POU6F2: variants seen among roughly 807,000 people sequenced by gnomAD.
The protein encoded by POU6F2 is POU class 6 homeobox 2.
POU6F2 carries 31 observed loss-of-function variants against 71.3 expected under a neutral mutation model. The ratio of observed to expected loss-of-function variants is 0.43; its 90% CI spans 0.33 to 0.59. POU6F2 has a LOEUF of 0.59. POU6F2 is among the 20% of genes least tolerant of loss of function. POU6F2 has a pLI of 0.04. For missense variants in POU6F2, 783 were observed against 856.8 expected (o/e 0.91, Z 1.07); for synonymous variants, 347 against 355.7 (o/e 0.98, Z 0.27).
intron 5 of POU6F2, among the ~76,000 whole-genome samples, chr7:39,354,091 C>T (rs1282355156): frequency 1.3e-5 from 2 of 152,216 alleles, no homozygotes; most frequent in Non-Finnish European, 2.9e-5. Flanking sequence ...GACCTCCCTG[C>T]TGCAACTGGA....
At chr7:38,983,388 CTCCTT>C (rs1788373695) in intron 1 of POU6F2, among the ~76,000 whole-genome samples, 1 of 114,262 alleles carries the variant, frequency 8.8e-6, no homozygotes, top group Non-Finnish European at 1.8e-5. Context: ...TCCTGCCTCC[CTCCTT>C]TCTTTTTTTT....
intron 2 of POU6F2, among the ~76,000 whole-genome samples, chr7:39,182,247 T>C (rs1793448853): frequency 6.6e-6 from 1 of 152,228 alleles, no homozygotes; most frequent in South Asian, 2.1e-4. Context: ...TTCATTCTAT[T>C]ATATATTTTA....
chr7:39,036,200 C>G (rs1186038603), intron 1 of POU6F2, among the ~76,000 whole-genome samples: 1 of 152,070 alleles, frequency 6.6e-6, no homozygotes, highest in South Asian at 2.1e-4. Flanking sequence ...CCATCCTTAT[C>G]CCTGAGTCTT....
chr7:39,083,833 CA>C (rs1220930446), intron 1 of POU6F2: 29 of 152,166 alleles, frequency 1.9e-4, no homozygotes, highest in African/African-American at 7.0e-4. Flanking sequence ...GGGGGGAAAA[CA>C]ATGGAGAAAT....
In POU6F2 at chr7:39,464,822, G is replaced by C. The variant is rs1439221430; in HGVS notation, c.*136G>C. ...GTCGTCATCACCCTTGTAAGTAAAT[G>C]ACTAAGAAAACTACCAAGTGGACAG... On this transcript the variant is annotated 3_prime_UTR_variant, in exon 10 of 10. Coordinates refer to ENST00000518318, the MANE Select transcript of POU6F2 (RefSeq NM_001370959.1). This position sits in a 1 kb window ranked among gnomAD's most constrained non-coding sequence, Gnocchi z 4.1. 3 of 1,122,264 alleles carry C rather than the reference G, an allele frequency of 2.7e-6. No homozygotes were observed. The highest frequency in any genetic ancestry group is 3.7e-6 in the Non-Finnish European group (3 of 815,708). 69.5% of individuals were successfully genotyped at this position (1,122,264 alleles called of 1,614,324 possible).
intron 1 of POU6F2, among the ~76,000 whole-genome samples, chr7:39,030,543 T>TATATATATATATAC (rs1491146903): frequency 3.4e-4 from 30 of 87,998 alleles, no homozygotes; most frequent in East Asian, 1.4e-3. Flanking sequence ...TATATATATA[T>TATATATATATATAC]ACACACACAT....
intron 2 of POU6F2, among the ~76,000 whole-genome samples, chr7:39,102,061 T>C (rs1791585794): frequency 6.6e-6 from 1 of 152,178 alleles, no homozygotes; most frequent in Non-Finnish European, 1.5e-5. Context: ...TATCAGCCTT[T>C]ATGAAAAAAT....
At chr7:39,221,909 A>G (rs752280403) in intron 4 of POU6F2, among the ~76,000 whole-genome samples, 1 of 152,218 alleles carries the variant, frequency 6.6e-6, no homozygotes, top group Non-Finnish European at 1.5e-5. Context: ...AAAAAACATT[A>G]AAACGTTTTA....
intron 4 of POU6F2, among the ~76,000 whole-genome samples, chr7:39,245,381 C>T (rs576103451): frequency 3.9e-5 from 6 of 152,268 alleles, no homozygotes; most frequent in Non-Finnish European, 7.4e-5. Context: ...CACTTTTACA[C>T]CTAGGCATTG....
intron 8 of POU6F2, among the ~76,000 whole-genome samples, chr7:39,453,282 A>G (rs910605074): frequency 6.6e-6 from 1 of 152,180 alleles, no homozygotes; most frequent in Non-Finnish European, 1.5e-5. Context: ...AAGTGAATTT[A>G]ATTATAGCCA....
intron 5 of POU6F2, among the ~76,000 whole-genome samples, chr7:39,364,057 G>A (rs952092605): frequency 3.3e-5 from 5 of 152,120 alleles, no homozygotes; most frequent in Admixed American, 6.6e-5. Flanking sequence ...TAGAGATCCC[G>A]TAGAGGGAGG....
intron 6 of POU6F2, among the ~76,000 whole-genome samples, chr7:39,424,964 T>C (rs958914343): frequency 6.6e-6 from 1 of 152,104 alleles, no homozygotes; most frequent in Non-Finnish European, 1.5e-5. Context: ...CCGAGAAATA[T>C]TCAAGTCCGA....
intron 4 of POU6F2, among the ~76,000 whole-genome samples, chr7:39,324,607 T>C (rs1389305591): frequency 6.6e-6 from 1 of 152,224 alleles, no homozygotes; most frequent in Non-Finnish European, 1.5e-5. Context: ...GATCCATTTC[T>C]ATTTGCCCCT....
intron 5 of POU6F2, among the ~76,000 whole-genome samples, chr7:39,353,231 A>T (rs1437453167): frequency 6.6e-6 from 1 of 152,232 alleles, no homozygotes; most frequent in Non-Finnish European, 1.5e-5. Flanking sequence ...ATCTTCAAAG[A>T]ACAGAAACCT....
At chr7:39,169,348 A>G (rs1462350047) in intron 2 of POU6F2, among the ~76,000 whole-genome samples, 1 of 152,184 alleles carries the variant, frequency 6.6e-6, no homozygotes, top group East Asian at 1.9e-4. Context: ...TGCTTTGAGA[A>G]TGAAAGTCTT....
At chr7:39,364,450 T>C (rs898787579) in intron 5 of POU6F2, among the ~76,000 whole-genome samples, 5 of 152,112 alleles carry the variant, frequency 3.3e-5, no homozygotes, top group Admixed American at 3.3e-4. Flanking sequence ...CCACAGTCCA[T>C]TGTATCATTC....
intron 1 of POU6F2, among the ~76,000 whole-genome samples, chr7:39,034,095 A>G (rs1790007482): frequency 6.6e-6 from 1 of 152,186 alleles, no homozygotes; most frequent in Non-Finnish European, 1.5e-5. Context: ...CCGACATGTT[A>G]TATTGAAGTA....
rs898209862 is a variant in POU6F2 at position 39,112,706 on chromosome 7, T to A, written c.277+26675T>A. On this transcript the variant is annotated intron_variant, in intron 2 of 9. Transcript: ENST00000518318. The stretch of plus-strand genomic sequence containing the variant: ...TCAGTGTTTTACTTGAGAAAGTTCA[T>A]AGATCAAATGAATAAAAATGAAACT... 2.6e-5 allele frequency among the ~76,000 whole-genome samples: 4 copies of A among 152,210 alleles called. No individual in the cohort carries two copies. In the East Asian group the frequency reaches 5.8e-4, roughly 22 times the overall value.
chr7:39,100,774 G>T (rs1252789273), intron 2 of POU6F2, among the ~76,000 whole-genome samples: 3 of 152,086 alleles, frequency 2.0e-5, no homozygotes, highest in Non-Finnish European at 4.4e-5. Flanking sequence ...TGTCCCAGAT[G>T]TTACTACTGT....
Sources: gnomAD v4.1 joint callset for allele counts (sites outside exome capture counted in the v4.1 genomes callset) on GRCh38, gnomAD v4.1.1 for gene constraint, Gnocchi (gnomAD v3.1) non-coding constraint, MANE v1.5 for transcripts, NCBI Gene and HGNC (gene_info 2026-07-23, HGNC 2026-07-21) for gene names.